Variants in TMEM117 observed in about 807,000 individuals in gnomAD.
TMEM117 encodes transmembrane protein 117.
A neutral mutation model predicts 52.4 loss-of-function variants in TMEM117; 27 were observed. That is an observed-to-expected ratio of 0.51 (90% confidence interval 0.38 to 0.71). The LOEUF (loss-of-function observed/expected upper bound fraction) is 0.71, where lower values mean the gene tolerates loss of function less well. TMEM117 is among the 30% of genes least tolerant of loss of function. The probability of loss-of-function intolerance (pLI) is 0.00; values close to 1 mark genes in which losing one functional copy is unlikely to be tolerated. For synonymous variants in TMEM117, 215 were observed against 206.3 expected (o/e 1.04, Z -0.36); for missense variants, 556 against 630.5 (o/e 0.88, Z 1.26).
intron 3 of TMEM117, among the ~76,000 whole-genome samples, chr12:44,076,618 A>G (rs1330626226): frequency 2.6e-5 from 4 of 152,218 alleles, no homozygotes; most frequent in Non-Finnish European, 5.9e-5. Context: ...TTAAATATGG[A>G]TAGCAAATCA....
At position 43,957,439 on chromosome 12, in the gene TMEM117, T is replaced by A. The variant is rs114917784; in HGVS notation, c.410+13097T>A. Among the ~76,000 whole-genome samples the A allele has an allele frequency of 7.0e-3, 1,066 of 152,300 alleles. 11 individuals are homozygous for A. Among genetic ancestry groups the A allele is most frequent in the African/African-American group, 0.023 (962 of 41,548 alleles). ...GTGACTATACAATATGCTGCATTAT[T>A]TATATATAGGAATGAAGGCTTGAGA... On this transcript the variant is annotated intron_variant, in intron 3 of 7. Coordinates refer to ENST00000266534, the MANE Select transcript of TMEM117 (RefSeq NM_032256.3).
intron 2 of TMEM117, among the ~76,000 whole-genome samples, chr12:43,904,614 G>A (rs4488262): frequency 0.95 from 144,693 of 152,136 alleles, 68,898 homozygotes; most frequent in East Asian, 1. Flanking sequence ...TGACTCCTTT[G>A]TGTACTCAAT....
intron 3 of TMEM117, among the ~76,000 whole-genome samples, chr12:44,093,118 G>A (rs920228842): frequency 2.0e-5 from 3 of 152,092 alleles, no homozygotes; most frequent in Admixed American, 6.6e-5. Context: ...GTAATACTCC[G>A]AATCCGTAAG....
chr12:43,986,343 A>G (rs1267726530), intron 3 of TMEM117, among the ~76,000 whole-genome samples: 1 of 152,132 alleles, frequency 6.6e-6, no homozygotes, highest in African/African-American at 2.4e-5. Context: ...GATATAAAGT[A>G]TTTTTCTTTT....
At chr12:44,180,156 A>G (rs1430950643) in intron 4 of TMEM117, among the ~76,000 whole-genome samples, 1 of 152,122 alleles carries the variant, frequency 6.6e-6, no homozygotes, top group Non-Finnish European at 1.5e-5. Context: ...GCCAGTTCCC[A>G]GTGTTAACAG....
chr12:43,877,944 TTATA>T (rs1943832323), intron 2 of TMEM117, among the ~76,000 whole-genome samples: 1 of 148,540 alleles, frequency 6.7e-6, no homozygotes, highest in South Asian at 2.1e-4. Flanking sequence ...GAATAATACT[TTATA>T]TATGTTTATG....
chr12:43,810,794 A>G, the TMEM117 span, among the ~76,000 whole-genome samples: 1 of 152,166 alleles, frequency 6.6e-6, no homozygotes, highest in Non-Finnish European at 1.5e-5. Context: ...TAACCCTTTC[A>G]CTAAGCGCTG....
At chr12:43,813,362 G>C in the TMEM117 span, among the ~76,000 whole-genome samples, 1 of 146,792 alleles carries the variant, frequency 6.8e-6, no homozygotes, top group African/African-American at 2.5e-5. Flanking sequence ...TCCTGCCTCA[G>C]CCTCCACAGT....
chr12:43,922,055 G>T (rs538580619), intron 2 of TMEM117, among the ~76,000 whole-genome samples: 1 of 152,216 alleles, frequency 6.6e-6, no homozygotes, highest in African/African-American at 2.4e-5. Flanking sequence ...ACCTTAGGGT[G>T]CCTTCTTGTC....
At chr12:43,843,664 A>G (rs1161675057) in intron 1 of TMEM117, among the ~76,000 whole-genome samples, 1 of 152,144 alleles carries the variant, frequency 6.6e-6, no homozygotes, top group African/African-American at 2.4e-5. Context: ...TCCCTTCTTC[A>G]CTAGTAAAAA....
chr12:44,239,145 G>A (rs149018111), intron 5 of TMEM117, among the ~76,000 whole-genome samples: 113 of 152,068 alleles, frequency 7.4e-4, no homozygotes, highest in African/African-American at 2.5e-3. Flanking sequence ...GTCACAATCC[G>A]CTTTGTGATT....
chr12:43,974,647 GTCTC>G (rs565162570), intron 3 of TMEM117, among the ~76,000 whole-genome samples: 2 of 152,018 alleles, frequency 1.3e-5, no homozygotes. Context: ...TTTATGATCT[GTCTC>G]TCTATCTCAA....
Position 44,033,326 on chromosome 12 carries a change from C to T in TMEM117, c.410+88984C>T, listed in dbSNP as rs112996364. Among the ~76,000 whole-genome samples the T allele has an allele frequency of 5.1e-3, 773 of 152,278 alleles. 8 individuals carry two copies. Among genetic ancestry groups the T allele is most frequent in the African/African-American group, 0.017 (724 of 41,558 alleles). Reference sequence around the variant, plus strand: ...CAGCCCTCTGGGCTGCTCTGTCTATCGAGTAGCCATTCTTTTATTCCTTTA... The same window carrying T: ...CAGCCCTCTGGGCTGCTCTGTCTATTGAGTAGCCATTCTTTTATTCCTTTA... On this transcript the variant is annotated intron_variant, in intron 3 of 7. Transcript: ENST00000266534.
intron 2 of TMEM117, among the ~76,000 whole-genome samples, chr12:43,943,176 CAA>C (rs10667663): frequency 0.076 from 5,464 of 71,752 alleles, 112 homozygotes; most frequent in African/African-American, 0.13. Context: ...GACTCTGTCT[CAA>C]AAAAAAAAAA....
chr12:44,230,624 C>A (rs940378532), intron 5 of TMEM117, among the ~76,000 whole-genome samples: 2 of 152,090 alleles, frequency 1.3e-5, no homozygotes, highest in South Asian at 2.1e-4. Flanking sequence ...AAAGACAGAT[C>A]AAAATGTCTT....
At chr12:44,004,079 G>A (rs1190353174) in intron 3 of TMEM117, among the ~76,000 whole-genome samples, 1 of 152,158 alleles carries the variant, frequency 6.6e-6, no homozygotes, top group African/African-American at 2.4e-5. Flanking sequence ...CTCTGTTTCT[G>A]CTCAGACACA....
chr12:44,092,376 G>T (rs1198417639), intron 3 of TMEM117, among the ~76,000 whole-genome samples: 1 of 152,198 alleles, frequency 6.6e-6, no homozygotes, highest in Non-Finnish European at 1.5e-5. Context: ...GCTCAGTACA[G>T]TGGGCCAGGT....
intron 3 of TMEM117, among the ~76,000 whole-genome samples, chr12:43,979,890 C>T (rs984502441): frequency 3.9e-5 from 6 of 152,084 alleles, no homozygotes; most frequent in Non-Finnish European, 8.8e-5. Context: ...TAACAGTGGC[C>T]GTTATTAGAA....
chr12:44,295,367 C>A (rs1392848210), intron 5 of TMEM117, among the ~76,000 whole-genome samples: 1 of 151,954 alleles, frequency 6.6e-6, no homozygotes, highest in East Asian at 1.9e-4. Context: ...CTATGCCTGG[C>A]TGAATTTTCT....
Sources: allele counts gnomAD v4.1 joint callset (sites outside exome capture counted in the v4.1 genomes callset), GRCh38; gene constraint gnomAD v4.1.1; transcripts MANE v1.5; gene names NCBI Gene and HGNC (gene_info 2026-07-23, HGNC 2026-07-21).